ADCY10: variants seen among roughly 807,000 people sequenced by gnomAD.
The protein encoded by ADCY10 is adenylate cyclase type 10.
Under a neutral mutation model 183.3 loss-of-function variants are expected in ADCY10, and 156 were observed. The ratio of observed to expected loss-of-function variants is 0.85; its 90% confidence interval spans 0.75 to 0.97. The LOEUF (loss-of-function observed/expected upper bound fraction) is 0.97. ADCY10 is among the 50% of genes least tolerant of loss of function. The pLI is 0.00. For missense variants in ADCY10, 1,745 were observed against 1,934.3 expected, an observed-to-expected ratio of 0.90 and a Z score of 1.84; for synonymous variants, 645 against 670.0, an observed-to-expected ratio of 0.96 and a Z score of 0.58.
At chr1:167,845,182 A>G (rs1024709682) in intron 21 of ADCY10, among the ~76,000 whole-genome samples, 2 of 152,300 alleles carry the variant, frequency 1.3e-5, no homozygotes, top group South Asian at 4.1e-4. Flanking sequence ...TTCAAACTAG[A>G]CCAACAAAGC....
chr1:167,812,211 G>A (rs944585945), intron 31 of ADCY10, among the ~76,000 whole-genome samples: 15 of 43,024 alleles, frequency 3.5e-4, no homozygotes, highest in East Asian at 3.1e-3. Context: ...ACCTCTCCCC[G>A]TCATTGCAAG....
chr1:167,899,578 T>C lies in ADCY10; in HGVS notation c.487A>G (p.Ser163Gly), dbSNP rs746724737. ...SMLVFGDETHSHFLVIGQAVD... is the reference protein window; with the variant it reads ...SMLVFGDETHGHFLVIGQAVD... ...GCCTGACCAATCACCAGAAAGTGGC[T>C]GTGTGTTTCATCTCCAAAGACCAAC... The change falls in exon 6 of 33, where the codon AGC becomes GGC. Residue 163 changes from serine to glycine, a missense_variant. Physicochemically the swap from Ser to Gly is moderately conservative, Grantham distance 56 (BLOSUM62 0). Coordinates refer to ENST00000367851, the MANE Select transcript of ADCY10 (RefSeq NM_018417.6). 3.1e-6 allele frequency: 5 copies of C among 1,614,082 alleles called. No homozygotes were observed. Among genetic ancestry groups the C allele is most frequent in the African/African-American group, 2.7e-5 (2 of 74,942 alleles).
intron 5 of ADCY10, among the ~76,000 whole-genome samples, chr1:167,900,953 A>G (rs1294929093): frequency 6.6e-6 from 1 of 152,200 alleles, no homozygotes; most frequent in Non-Finnish European, 1.5e-5. Context: ...TAAGTTTTGC[A>G]AAGTTTAGTT....
At chr1:167,846,846 A>C (rs1665065307) in intron 19 of ADCY10, among the ~76,000 whole-genome samples, 1 of 152,118 alleles carries the variant, frequency 6.6e-6, no homozygotes, top group African/African-American at 2.4e-5. Context: ...GGACATTTTG[A>C]CCAGGATGTC....
intron 6 of ADCY10, among the ~76,000 whole-genome samples, chr1:167,898,523 C>T (rs1669162225): frequency 1.3e-5 from 2 of 151,584 alleles, no homozygotes; most frequent in Non-Finnish European, 2.9e-5. Context: ...TGCTTGAACC[C>T]GGGAGGCGGA....
chr1:167,827,960 C>T (rs150237114), intron 26 of ADCY10, among the ~76,000 whole-genome samples: 279 of 152,190 alleles, frequency 1.8e-3, no homozygotes, highest in Non-Finnish European at 3.0e-3. Context: ...GTGATCCGCC[C>T]ACCTCAGCCT....
intron 32 of ADCY10, among the ~76,000 whole-genome samples, 200 bp downstream of exon 32, chr1:167,810,525 C>T (rs1241654115): frequency 6.6e-6 from 1 of 152,172 alleles, no homozygotes; most frequent in Non-Finnish European, 1.5e-5. Flanking sequence ...CGGACCCTCA[C>T]CAGACAGCGA....
intron 8 of ADCY10, among the ~76,000 whole-genome samples, chr1:167,887,358 A>G (rs1217081055): frequency 1.3e-5 from 2 of 152,242 alleles, no homozygotes; most frequent in Non-Finnish European, 2.9e-5. Flanking sequence ...GTGGAATATT[A>G]TGCACCCATA....
At chr1:167,819,247 ATTT>A (rs11454786) in intron 30 of ADCY10, among the ~76,000 whole-genome samples, 5 of 128,318 alleles carry the variant, frequency 3.9e-5, no homozygotes, top group Admixed American at 8.1e-5. Flanking sequence ...AGAAAATCCG[ATTT>A]TTTTTTTTTT....
At chr1:167,883,747 A>G (rs1668032534) in intron 8 of ADCY10, 119 bp from the exon 9 acceptor site, 3 of 884,864 alleles carry the variant, frequency 3.4e-6, no homozygotes, top group African/African-American at 3.3e-5. Flanking sequence ...TGGGTGAGGT[A>G]CAACATGACA....
At chr1:167,811,848 C>T (rs541147996) in intron 31 of ADCY10, among the ~76,000 whole-genome samples, 1 of 152,290 alleles carries the variant, frequency 6.6e-6, no homozygotes, top group South Asian at 2.1e-4. Context: ...GGAGAGACGG[C>T]AGAGTAGGAA....
chr1:167,832,301 A>G (rs1663793700), intron 25 of ADCY10, among the ~76,000 whole-genome samples: 1 of 152,216 alleles, frequency 6.6e-6, no homozygotes, highest in African/African-American at 2.4e-5. Context: ...ATTCAAGCAT[A>G]CACACAGCAA....
chr1:167,891,395 A>G (rs932882780), intron 8 of ADCY10, among the ~76,000 whole-genome samples: 6 of 151,760 alleles, frequency 4.0e-5, no homozygotes, highest in South Asian at 4.2e-4. Flanking sequence ...AGTGGCTCAC[A>G]TCTGTAATCC....
At chr1:167,904,082 C>CATTTTT in intron 2 of ADCY10, 91 bp from the exon 3 acceptor site, 1 of 363,266 alleles carries the variant, frequency 2.8e-6, no homozygotes, top group South Asian at 2.3e-5. Context: ...CGGGCCTCAG[C>CATTTTT]TTTTTTTTTT....
intron 31 of ADCY10, among the ~76,000 whole-genome samples, chr1:167,815,160 A>AC (rs995878625): frequency 4.0e-5 from 6 of 151,718 alleles, no homozygotes; most frequent in Admixed American, 3.3e-4. Flanking sequence ...ACAAAAAAAA[A>AC]CCCCAAACAC....
At chr1:167,869,648 T>C (rs1666954858) in intron 14 of ADCY10, among the ~76,000 whole-genome samples, 1 of 152,034 alleles carries the variant, frequency 6.6e-6, no homozygotes, top group Non-Finnish European at 1.5e-5. Flanking sequence ...CATTGTGAAA[T>C]CTCTCGTTCT....
chr1:167,833,924 C>G lies in ADCY10; in HGVS notation c.3417+46G>C, dbSNP rs1215082787. The stretch of plus-strand genomic sequence containing the variant: ...GATGACTTCTACTTCTATGGAAAGG[C>G]CTAAGATATATAACAGATAAATTCA... On this transcript the variant is annotated intron_variant, in intron 24 of 32. Coordinates refer to ENST00000367851, the MANE Select transcript of ADCY10 (RefSeq NM_018417.6). 4 of 1,442,144 alleles carry G rather than the reference C, an allele frequency of 2.8e-6. No individual in the cohort carries two copies. The South Asian group carries it at 4.6e-5, about 17-fold the overall frequency. The allele number at this position is 1,442,144 out of a possible 1,614,324, so 89.3% of individuals were successfully genotyped here.
At chr1:167,848,895 C>T (rs1665265843) in intron 18 of ADCY10, among the ~76,000 whole-genome samples, 1 of 152,100 alleles carries the variant, frequency 6.6e-6, no homozygotes, top group South Asian at 2.1e-4. Context: ...CTGCCTCGGC[C>T]TCCCAAAGTG....
intron 1 of ADCY10, among the ~76,000 whole-genome samples, chr1:167,905,928 C>T (rs60938261): frequency 0.014 from 2,067 of 152,302 alleles, 42 homozygotes; most frequent in African/African-American, 0.039. Context: ...TCATGCTCTA[C>T]CAGCCTGAAC....
Sources: gnomAD v4.1 joint callset for allele counts (sites outside exome capture counted in the v4.1 genomes callset) on GRCh38, gnomAD v4.1.1 for gene constraint, MANE v1.5 for transcripts, NCBI Gene and HGNC (gene_info 2026-07-23, HGNC 2026-07-21) for gene names.